CRCP: variants seen among roughly 807,000 people sequenced by gnomAD.
The protein encoded by CRCP is CGRP receptor component.
Under a neutral mutation model 18.5 loss-of-function variants are expected in CRCP, and 18 were observed. The observed-to-expected ratio is 0.97, with a 90% CI of 0.67 to 1.44. The LOEUF (loss-of-function observed/expected upper bound fraction) is 1.44. Ranked by LOEUF, CRCP falls within the 40% of genes most tolerant of loss-of-function variation. The pLI is 0.00. For missense variants in CRCP, 130 were observed against 176.4 expected, an observed-to-expected ratio of 0.74 and a Z score of 1.49; for synonymous variants, 53 against 62.9, an observed-to-expected ratio of 0.84 and a Z score of 0.75.
chr7:66,138,642 A>AC (rs1054841937), intron 4 of CRCP, among the ~76,000 whole-genome samples: 1 of 150,116 alleles, frequency 6.7e-6, no homozygotes, highest in African/African-American at 2.4e-5. Flanking sequence ...AAAAAAAAAA[A>AC]AATCAGCTGG....
At chr7:66,118,799 A>G (rs1284686196) in intron 1 of CRCP, among the ~76,000 whole-genome samples, 1 of 152,200 alleles carries the variant, frequency 6.6e-6, no homozygotes, top group Non-Finnish European at 1.5e-5. Flanking sequence ...CTAAAACAGT[A>G]AGCATAACTT....
At chr7:66,122,097 C>T (rs987732530) in intron 1 of CRCP, among the ~76,000 whole-genome samples, 5 of 152,130 alleles carry the variant, frequency 3.3e-5, no homozygotes, top group Middle Eastern at 6.8e-3. Context: ...ACTGTTTGGC[C>T]GGGCACAGTG....
At chr7:66,134,154 C>T in intron 3 of CRCP, 126 bp from the exon 4 acceptor site, 1 of 735,682 alleles carries the variant, frequency 1.4e-6, no homozygotes, top group Non-Finnish European at 2.3e-6. Flanking sequence ...GCCACCGTGC[C>T]CAGCCTCTAC....
intron 5 of CRCP, among the ~76,000 whole-genome samples, chr7:66,149,536 G>A (rs1308005886): frequency 6.6e-6 from 1 of 152,158 alleles, no homozygotes; most frequent in Non-Finnish European, 1.5e-5. Context: ...TTAACCTGGA[G>A]AAAAGATGAT....
At chr7:66,145,403 G>C (rs750873801) in intron 4 of CRCP, 40 bp from the exon 5 acceptor site, 3 of 1,607,542 alleles carry the variant, frequency 1.9e-6, no homozygotes, top group South Asian at 2.2e-5. Flanking sequence ...TCAGGACTTA[G>C]GGCTATGCGA....
intron 1 of CRCP, among the ~76,000 whole-genome samples, chr7:66,125,002 C>A (rs936859297): frequency 3.3e-5 from 5 of 149,378 alleles, no homozygotes; most frequent in African/African-American, 4.8e-5. Context: ...CTGGAAGTTT[C>A]CTTAGCTTCT....
At chr7:66,119,038 T>C (rs1213314647) in intron 1 of CRCP, among the ~76,000 whole-genome samples, 1 of 152,178 alleles carries the variant, frequency 6.6e-6, no homozygotes, top group East Asian at 1.9e-4. Flanking sequence ...CGTCTGATTG[T>C]TTCAGAGGGG....
chr7:66,144,268 TTTG>T (rs1243977023), intron 4 of CRCP, among the ~76,000 whole-genome samples: 3 of 152,176 alleles, frequency 2.0e-5, no homozygotes, highest in Non-Finnish European at 2.9e-5. Context: ...ACTCAGATCT[TTTG>T]TTGTGAAAAT....
rs541732703 is a variant in CRCP, at chr7:66,146,353, A to G, written c.297+853A>G. Among the ~76,000 whole-genome samples the G allele has an allele frequency of 2.9e-4, 44 of 152,200 alleles. No individual in the cohort carries two copies. In the East Asian group the frequency reaches 7.9e-3, roughly 27 times the overall value. On this transcript the variant is annotated intron_variant, in intron 5 of 5. Coordinates refer to ENST00000395326, the MANE Select transcript of CRCP (RefSeq NM_014478.5). ...AATGATCCAGGGAGATACCCGGGCC[A>G]CCACTGGGCACGCTGTGGCCGCTGC... is the stretch of plus-strand genomic sequence containing the variant.
rs149311841 is a variant in CRCP, at chr7:66,147,620, G to C, written c.297+2120G>C. 2.6e-5 allele frequency among the ~76,000 whole-genome samples: 4 copies of C among 152,178 alleles called. No individual in the cohort carries two copies. In the East Asian group the frequency reaches 5.8e-4, roughly 22 times the overall value. The stretch of plus-strand genomic sequence containing the variant: ...GTTTCCTTCTCGTTTCTACAAAGTA[G>C]GTAGGCCTTGGTAGAAACTGCTGTT... On this transcript the variant is annotated intron_variant, in intron 5 of 5. Transcript: ENST00000395326.
chr7:66,120,082 G>A (rs1787390644), intron 1 of CRCP, among the ~76,000 whole-genome samples: 1 of 151,976 alleles, frequency 6.6e-6, no homozygotes, highest in South Asian at 2.1e-4. Context: ...CTATCGGGAG[G>A]CTGAGGCAGG....
At position 66,129,885 on chromosome 7, in the gene CRCP, T is replaced by C. The variant is rs1180174964; in HGVS notation, c.46-859T>C. Among the ~76,000 whole-genome samples, 3 of 152,082 alleles carry C rather than the reference T, an allele frequency of 2.0e-5. No individual in the cohort carries two copies. In the East Asian group the frequency reaches 5.8e-4, roughly 29 times the overall value. On this transcript the variant is annotated intron_variant, in intron 2 of 5. Coordinates refer to ENST00000395326, the MANE Select transcript of CRCP (RefSeq NM_014478.5). ...CATTTTCTTCACTTCTGTGGTAGAA[T>C]CTCTAAAACAGGAATGAGACTAAGA... is the stretch of plus-strand genomic sequence containing the variant.
chr7:66,140,395 C>CT (rs34069697), intron 4 of CRCP, among the ~76,000 whole-genome samples: 15,548 of 142,750 alleles, frequency 0.11, 959 homozygotes, highest in South Asian at 0.21. Context: ...CTTTTCTTTT[C>CT]TTTTTTTTTT....
At chr7:66,121,199 T>C (rs1787431210) in intron 1 of CRCP, among the ~76,000 whole-genome samples, 1 of 151,670 alleles carries the variant, frequency 6.6e-6, no homozygotes. Context: ...CTGAGCCTAC[T>C]GGGTAGCTGC....
At chr7:66,134,201 C>G in intron 3 of CRCP, 79 bp from the exon 4 acceptor site, 1 of 1,093,950 alleles carries the variant, frequency 9.1e-7, no homozygotes, top group Non-Finnish European at 1.4e-6. Context: ...ATTTTAATTA[C>G]AGTCATTGCC....
rs2116069057 is a variant in CRCP, at chr7:66,152,220, AG to A, written c.311del (p.Ser104MetfsTer95). 1.2e-6 allele frequency: 2 copies of A among 1,614,116 alleles called. No individual in the cohort carries two copies. Among genetic ancestry groups the A allele is most frequent in the East Asian group, 4.5e-5 (2 of 44,878 alleles). The stretch of plus-strand genomic sequence containing the variant: ...TTTCCTTCTGCAGATGGTGGAAGAG[AG>A]TGAAGAGCGGCTCACGGAGGAGCAG... ...AVEIQLMVEESEERLTEEQIE... is the reference protein window; with the variant it reads ...AVEIQLMVEEXEERLTEEQIE... On this transcript the variant is annotated frameshift_variant, in exon 6 of 6. Coordinates refer to ENST00000395326, the MANE Select transcript of CRCP (RefSeq NM_014478.5). LOFTEE classifies it high-confidence loss of function.
chr7:66,122,575 C>G (rs2115874108), intron 1 of CRCP, among the ~76,000 whole-genome samples: 1 of 151,798 alleles, frequency 6.6e-6, no homozygotes, highest in South Asian at 2.1e-4. Context: ...CTTCAGTCAT[C>G]TAATTCATTA....
At chr7:66,117,134 A>C (rs1404744770) in intron 1 of CRCP, among the ~76,000 whole-genome samples, 5 of 152,004 alleles carry the variant, frequency 3.3e-5, no homozygotes, top group Admixed American at 2.0e-4. Context: ...AAAAAAAAAA[A>C]AAACCTGATC....
chr7:66,141,837 T>C (rs75258480), intron 4 of CRCP, among the ~76,000 whole-genome samples: 2,098 of 152,214 alleles, frequency 0.014, 52 homozygotes, highest in African/African-American at 0.045. Context: ...GGCTTGGTTC[T>C]GAAGCCAGCA....
Sources: gnomAD v4.1 joint callset for allele counts (sites outside exome capture counted in the v4.1 genomes callset) on GRCh38, gnomAD v4.1.1 for gene constraint, MANE v1.5 for transcripts, NCBI Gene and HGNC (gene_info 2026-07-23, HGNC 2026-07-21) for gene names.